ARAP2: variants seen among roughly 807,000 people sequenced by gnomAD.
ARAP2 encodes ArfGAP with RhoGAP domain, ankyrin repeat and PH domain 2.
Under a neutral mutation model 194.5 loss-of-function variants are expected in ARAP2, and 148 were observed. That is an observed-to-expected ratio of 0.76 (90% CI 0.67 to 0.87). ARAP2 has a LOEUF of 0.87. Ranked by LOEUF, ARAP2 falls within the 40% of genes least tolerant of loss-of-function variation. ARAP2 has a pLI of 0.00. For missense variants in ARAP2, 2,128 were observed against 1,989.7 expected (o/e 1.07, Z -1.32); for synonymous variants, 695 against 683.5 (o/e 1.02, Z -0.26).
intron 3 of ARAP2, among the ~76,000 whole-genome samples, chr4:36,049,768 T>C (rs1722372704): frequency 6.6e-6 from 1 of 152,106 alleles, no homozygotes; most frequent in Non-Finnish European, 1.5e-5. Flanking sequence ...TAAAAAGGAT[T>C]ACAAAAAGCC....
At chr4:36,141,254 A>G (rs1728243808) in intron 19 of ARAP2, among the ~76,000 whole-genome samples, 1 of 151,614 alleles carries the variant, frequency 6.6e-6, no homozygotes, top group Admixed American at 6.6e-5. Flanking sequence ...ATTTGCACAA[A>G]CAGTACTAAG....
intron 1 of ARAP2, among the ~76,000 whole-genome samples, chr4:36,242,474 C>T (rs551424602): frequency 2.0e-5 from 3 of 152,234 alleles, no homozygotes; most frequent in African/African-American, 7.2e-5. Context: ...ACAACAACAA[C>T]AACAAAAAAC....
At chr4:36,039,729 A>C (rs1720522833) in intron 5 of ARAP2, among the ~76,000 whole-genome samples, 2 of 152,104 alleles carry the variant, frequency 1.3e-5, no homozygotes, top group Non-Finnish European at 2.9e-5. Context: ...AGCTTTTCCA[A>C]ATACTCTTGA....
chr4:36,160,074 A>G (rs1049925050), intron 13 of ARAP2: 2 of 986,070 alleles, frequency 2.0e-6, no homozygotes, highest in Non-Finnish European at 2.4e-6. Flanking sequence ...ATCTTTGTAC[A>G]AACAATAGGA....
chr4:36,053,018 G>A (rs921795617), intron 2 of ARAP2, among the ~76,000 whole-genome samples: 2 of 151,596 alleles, frequency 1.3e-5, no homozygotes, highest in South Asian at 4.1e-4. Context: ...GGTTTTTTTT[G>A]TTTGTTTTAG....
chr4:36,083,265 T>TAA, intron 29 of ARAP2, 103 bp downstream of exon 29: 1 of 852,532 alleles, frequency 1.2e-6, no homozygotes, highest in Non-Finnish European at 1.8e-6. Context: ...GCCTAAAACT[T>TAA]ACTTTATAAA....
At chr4:36,212,618 T>C in intron 4 of ARAP2, 131 bp from the exon 5 acceptor site, 1 of 548,594 alleles carries the variant, frequency 1.8e-6, no homozygotes, top group East Asian at 2.9e-5. Context: ...TAAGTCTAAT[T>C]ACTTAGATCA....
At chr4:36,180,214 G>A (rs1177265873) in intron 8 of ARAP2, among the ~76,000 whole-genome samples, 1 of 152,118 alleles carries the variant, frequency 6.6e-6, no homozygotes, top group Admixed American at 6.5e-5. Context: ...TGAGGTTGCA[G>A]TGAGCCCAGA....
At chr4:36,026,583 T>G (rs1467006213) in intron 5 of ARAP2, among the ~76,000 whole-genome samples, 1 of 152,176 alleles carries the variant, frequency 6.6e-6, no homozygotes, top group Non-Finnish European at 1.5e-5. Flanking sequence ...CCACACTGGA[T>G]ATCACGGGAC....
Position 36,045,303 on chromosome 4 carries a change from G to A in ARAP2, n.607+676C>T, listed in dbSNP as rs1194968378. On this transcript the variant is annotated intron_variant and non_coding_transcript_variant, in intron 5 of 12. Coordinates refer to the ARAP2 transcript ENST00000503225. ...ATAGAAACAATTTAAATATCCATCA[G>A]TGGATAAGTGGGTAAAAAAACATGG... Among the ~76,000 whole-genome samples, 3 of 152,080 alleles carry A rather than the reference G, an allele frequency of 2.0e-5. No individual in the cohort carries two copies. The East Asian group carries it at 5.8e-4, about 29-fold the overall frequency.
At chr4:36,154,589 CTTTCT>C (rs1313971787) in intron 15 of ARAP2, among the ~76,000 whole-genome samples, 1 of 151,838 alleles carries the variant, frequency 6.6e-6, no homozygotes, top group Admixed American at 6.6e-5. Context: ...AGCAATCCAT[CTTTCT>C]TTTCATGAAC....
chr4:36,046,510 C>A (rs1721859060), intron 4 of ARAP2, among the ~76,000 whole-genome samples: 1 of 152,030 alleles, frequency 6.6e-6, no homozygotes, highest in Admixed American at 6.5e-5. Flanking sequence ...TGAGCCACTG[C>A]ACCTGGCATA....
chr4:36,072,366 G>A (rs998058295), intron 32 of ARAP2, among the ~76,000 whole-genome samples: 1 of 151,960 alleles, frequency 6.6e-6, no homozygotes, highest in Non-Finnish European at 1.5e-5. Context: ...GTTAAAAATT[G>A]TCTCTGAAAT....
intron 22 of ARAP2, among the ~76,000 whole-genome samples, chr4:36,124,576 C>G (rs1470319346): frequency 6.6e-6 from 1 of 151,842 alleles, no homozygotes; most frequent in Admixed American, 6.6e-5. Flanking sequence ...CAGACAGATT[C>G]TTGTTACAGA....
intron 32 of ARAP2, among the ~76,000 whole-genome samples, chr4:36,070,243 G>T (rs1442304588): frequency 6.6e-6 from 1 of 152,170 alleles, no homozygotes; most frequent in East Asian, 1.9e-4. Flanking sequence ...GAGTGAGGAA[G>T]AATTTTGCAT....
intron 1 of ARAP2, among the ~76,000 whole-genome samples, chr4:36,236,655 A>T (rs1752511766): frequency 6.6e-6 from 1 of 152,206 alleles, no homozygotes; most frequent in Non-Finnish European, 1.5e-5. Context: ...TTATCAATAC[A>T]AGTCTTACAA....
intron 32 of ARAP2, among the ~76,000 whole-genome samples, 154 bp downstream of exon 32, chr4:36,073,535 C>T (rs1285359680): frequency 2.0e-5 from 3 of 152,096 alleles, no homozygotes; most frequent in African/African-American, 4.8e-5. Context: ...GTTATTCATA[C>T]TGTTTTCTTG....
intron 27 of ARAP2, among the ~76,000 whole-genome samples, chr4:36,093,626 T>TA (rs369020743): frequency 3.3e-5 from 5 of 151,444 alleles, no homozygotes; most frequent in Non-Finnish European, 5.9e-5. Context: ...AAACTCAACT[T>TA]AAAAAAAAAT....
chr4:36,057,056 T>G (rs577564638), intron 2 of ARAP2, among the ~76,000 whole-genome samples: 2 of 151,894 alleles, frequency 1.3e-5, no homozygotes, highest in South Asian at 4.2e-4. Context: ...TTTTGTTGTT[T>G]TTTTTTTTCA....
Sources: gnomAD v4.1 joint callset for allele counts (sites outside exome capture counted in the v4.1 genomes callset) on GRCh38, gnomAD v4.1.1 for gene constraint, MANE v1.5 for transcripts, NCBI Gene and HGNC (gene_info 2026-07-23, HGNC 2026-07-21) for gene names.